WDR7: variants seen among roughly 807,000 people sequenced by gnomAD.
The protein encoded by WDR7 is WD repeat-containing protein 7.
In WDR7, 46 loss-of-function variants were observed where a neutral mutation model predicts 169.4. The ratio of observed to expected loss-of-function variants is 0.27; its 90% CI spans 0.21 to 0.35. The LOEUF is 0.35. WDR7 is among the 10% of genes least tolerant of loss of function. The pLI is 1.00. For missense variants in WDR7, 1,534 were observed against 1,859.3 expected (o/e 0.83, Z 3.22); for synonymous variants, 612 against 666.8 (o/e 0.92, Z 1.27).
chr18:56,807,808 T>C (rs559013461), intron 19 of WDR7, among the ~76,000 whole-genome samples: 95 of 152,348 alleles, frequency 6.2e-4, no homozygotes, highest in African/African-American at 2.2e-3. Context: ...AATTATATTT[T>C]TATTTCTCTA....
intron 26 of WDR7, among the ~76,000 whole-genome samples, chr18:57,012,967 A>G (rs1042893973): frequency 1.3e-5 from 2 of 152,228 alleles, no homozygotes; most frequent in African/African-American, 4.8e-5. Context: ...AGCACCTGGC[A>G]TATCATACAT....
chr18:56,869,881 A>G (rs181632085), intron 20 of WDR7, among the ~76,000 whole-genome samples: 3 of 152,316 alleles, frequency 2.0e-5, no homozygotes, highest in East Asian at 1.9e-4. Flanking sequence ...TGAAAATAAT[A>G]TATAATATTC....
intron 25 of WDR7, among the ~76,000 whole-genome samples, chr18:56,951,834 A>G (rs1363386116): frequency 6.6e-6 from 1 of 151,996 alleles, no homozygotes; most frequent in East Asian, 1.9e-4. Flanking sequence ...ACCCCTTTAA[A>G]CTCTTAAAAA....
At chr18:56,689,710 C>T (rs1360932747) in intron 7 of WDR7, among the ~76,000 whole-genome samples, 2 of 152,114 alleles carry the variant, frequency 1.3e-5, no homozygotes, top group Admixed American at 1.3e-4. Flanking sequence ...TCTGTTGTCC[C>T]TTGATAATAT....
intron 2 of WDR7, among the ~76,000 whole-genome samples, chr18:56,674,828 A>G (rs1167974329): frequency 6.6e-6 from 1 of 152,140 alleles, no homozygotes; most frequent in Non-Finnish European, 1.5e-5. Flanking sequence ...TAGGTCTTCG[A>G]TCCATATTAG....
intron 26 of WDR7, among the ~76,000 whole-genome samples, chr18:57,015,276 A>G (rs1188718331): frequency 6.6e-6 from 1 of 152,218 alleles, no homozygotes; most frequent in Non-Finnish European, 1.5e-5. Flanking sequence ...TGATAATTAA[A>G]TTGGACTTGA....
At chr18:56,879,550 C>T (rs558273286) in intron 20 of WDR7, among the ~76,000 whole-genome samples, 37 of 152,116 alleles carry the variant, frequency 2.4e-4, no homozygotes, top group Middle Eastern at 3.4e-3. Context: ...TTTATCCTTT[C>T]TTGATTCTGT....
chr18:57,011,682 TCG>T (rs1165738269), intron 26 of WDR7, among the ~76,000 whole-genome samples: 1 of 152,178 alleles, frequency 6.6e-6, no homozygotes, highest in East Asian at 1.9e-4. Context: ...AGATAAACAC[TCG>T]GTTTTCAACT....
intron 26 of WDR7, among the ~76,000 whole-genome samples, chr18:57,010,554 T>A (rs931258874): frequency 5.9e-5 from 9 of 152,162 alleles, no homozygotes; most frequent in Non-Finnish European, 5.9e-5. Context: ...TAGCCAAAAA[T>A]TGGTGGTGAT....
chr18:57,029,054 T>A lies in WDR7; in HGVS notation c.*1847T>A, dbSNP rs2048409335. On this transcript the variant is annotated 3_prime_UTR_variant, in exon 28 of 28. Coordinates refer to ENST00000254442, the MANE Select transcript of WDR7 (RefSeq NM_015285.3). Reference sequence around the variant, plus strand: ...CTATACCCAACATATGTTTACTTTATGAACTTAAATGGAAATTAATTTATT... The same window carrying A: ...CTATACCCAACATATGTTTACTTTAAGAACTTAAATGGAAATTAATTTATT... The A allele has an allele frequency of 6.5e-6, 1 of 152,688 alleles. No individual in the cohort carries two copies. Among genetic ancestry groups the A allele is most frequent in the South Asian group, 2.1e-4 (1 of 4,832 alleles). The allele number at this position is 152,688 out of a possible 1,614,324, so 9.5% of individuals were successfully genotyped here.
At chr18:57,001,839 C>T (rs1338418168) in intron 26 of WDR7, among the ~76,000 whole-genome samples, 1 of 152,108 alleles carries the variant, frequency 6.6e-6, no homozygotes, top group Non-Finnish European at 1.5e-5. Flanking sequence ...TTATGTTTAT[C>T]TGCCTAACCT....
At chr18:56,674,023 C>A (rs2025190975) in intron 2 of WDR7, among the ~76,000 whole-genome samples, 1 of 152,114 alleles carries the variant, frequency 6.6e-6, no homozygotes. Flanking sequence ...TGTATCAGTA[C>A]TTCATTTCTT....
At chr18:56,855,086 T>C (rs2045698717) in intron 20 of WDR7, among the ~76,000 whole-genome samples, 1 of 152,174 alleles carries the variant, frequency 6.6e-6, no homozygotes. Context: ...CTACATTCTA[T>C]CCAACGCTTG....
At chr18:56,917,005 G>A (rs2028115) in intron 21 of WDR7, among the ~76,000 whole-genome samples, 122,961 of 151,988 alleles carry the variant, frequency 0.81, 50,264 homozygotes, top group East Asian at 0.98. Flanking sequence ...AGACCAGCCT[G>A]GCCAACATGG....
chr18:56,710,049 G>A (rs998869994), intron 12 of WDR7, among the ~76,000 whole-genome samples: 42 of 146,586 alleles, frequency 2.9e-4, no homozygotes, highest in African/African-American at 8.6e-4. Flanking sequence ...TGTCACCCAG[G>A]CTGGAGTGCA....
At chr18:56,994,499 T>C (rs1185991899) in intron 26 of WDR7, among the ~76,000 whole-genome samples, 1 of 152,186 alleles carries the variant, frequency 6.6e-6, no homozygotes, top group African/African-American at 2.4e-5. Flanking sequence ...CTCTCATCTT[T>C]TTAAAAAAAA....
intron 26 of WDR7, among the ~76,000 whole-genome samples, chr18:56,963,970 G>C (rs543617778): frequency 6.6e-6 from 1 of 151,546 alleles, no homozygotes; most frequent in Admixed American, 6.6e-5. Context: ...ACCTTGTCAG[G>C]CTTCTTTAAA....
intron 20 of WDR7, among the ~76,000 whole-genome samples, chr18:56,830,438 A>G (rs993796295): frequency 1.3e-5 from 2 of 152,180 alleles, no homozygotes; most frequent in Non-Finnish European, 2.9e-5. Context: ...CTCATGATGA[A>G]TTTATCAATT....
chr18:56,792,609 TTTG>T (rs2044508908), intron 19 of WDR7, among the ~76,000 whole-genome samples: 1 of 94,088 alleles, frequency 1.1e-5, no homozygotes, highest in Non-Finnish European at 2.3e-5. Flanking sequence ...CTTTTAAATC[TTTG>T]TTTTTTTTTT....
Sources: allele counts gnomAD v4.1 joint callset (sites outside exome capture counted in the v4.1 genomes callset), GRCh38; gene constraint gnomAD v4.1.1; transcripts MANE v1.5; gene names NCBI Gene and HGNC (gene_info 2026-07-23, HGNC 2026-07-21).